TDRD10: variants seen among roughly 807,000 people sequenced by gnomAD.
The protein encoded by TDRD10 is tudor domain-containing protein 10.
A neutral mutation model predicts 48.0 loss-of-function variants in TDRD10; 40 were observed. The ratio of observed to expected loss-of-function variants is 0.83; its 90% CI spans 0.65 to 1.09. TDRD10 has a LOEUF of 1.09. Among genes scored for constraint, TDRD10 ranks in the 50% least tolerant of loss-of-function variants. The pLI is 0.00. For missense variants in TDRD10, 378 were observed against 434.7 expected, an observed-to-expected ratio of 0.87 and a Z score of 1.16; for synonymous variants, 162 against 170.4, an observed-to-expected ratio of 0.95 and a Z score of 0.38.
intron 6 of TDRD10, 136 bp downstream of exon 6, chr1:154,521,615 C>A: frequency 2.0e-6 from 2 of 1,006,546 alleles, no homozygotes; most frequent in Non-Finnish European, 2.9e-6. Context: ...CGGGTGAAGT[C>A]AGGGAACTTT....
intron 8 of TDRD10, 152 bp from the exon 9 acceptor site, chr1:154,543,811 C>T: frequency 5.0e-6 from 6 of 1,192,988 alleles, no homozygotes; most frequent in Non-Finnish European, 7.0e-6. Context: ...GGCTTTAGCT[C>T]CCACCCTAGA....
chr1:154,536,350 T>A (rs1347657938), intron 6 of TDRD10, among the ~76,000 whole-genome samples: 1 of 152,208 alleles, frequency 6.6e-6, no homozygotes, highest in Non-Finnish European at 1.5e-5. Context: ...CACTCCAGCC[T>A]GGACAACAAG....
chr1:154,541,513 G>A (rs572478207), intron 6 of TDRD10, among the ~76,000 whole-genome samples: 1 of 152,030 alleles, frequency 6.6e-6, no homozygotes, highest in Non-Finnish European at 1.5e-5. Flanking sequence ...AGATACTTGG[G>A]TTTCCCCAGG....
chr1:154,515,058 G>C (rs1322151428), intron 4 of TDRD10, among the ~76,000 whole-genome samples: 1 of 151,734 alleles, frequency 6.6e-6, no homozygotes, highest in Non-Finnish European at 1.5e-5. Context: ...AGTAGAGACG[G>C]GGCTTCACCA....
intron 4 of TDRD10, among the ~76,000 whole-genome samples, chr1:154,511,111 GT>G (rs1188346329): frequency 6.6e-6 from 1 of 150,384 alleles, no homozygotes; most frequent in Non-Finnish European, 1.5e-5. Context: ...TAACTTTTTT[GT>G]TTGTTTGTTT....
At chr1:154,505,415 T>C (rs956408136) in intron 1 of TDRD10, among the ~76,000 whole-genome samples, 1 of 152,204 alleles carries the variant, frequency 6.6e-6, no homozygotes, top group African/African-American at 2.4e-5. Context: ...ATCCTGTATC[T>C]CTGATTTTGC....
chr1:154,525,743 A>C (rs185855164), intron 6 of TDRD10, among the ~76,000 whole-genome samples: 10 of 152,186 alleles, frequency 6.6e-5, no homozygotes, highest in African/African-American at 2.4e-4. Context: ...AAAAATACAA[A>C]AATTAGCTGG....
At chr1:154,539,881 G>A (rs1039726939) in intron 6 of TDRD10, among the ~76,000 whole-genome samples, 1 of 152,120 alleles carries the variant, frequency 6.6e-6, no homozygotes, top group Non-Finnish European at 1.5e-5. Flanking sequence ...TCTTAGGGGG[G>A]CCCCCAATGC....
At chr1:154,504,078 C>T (rs1004601787) in intron 1 of TDRD10, among the ~76,000 whole-genome samples, 2 of 152,214 alleles carry the variant, frequency 1.3e-5, no homozygotes, top group African/African-American at 4.8e-5. Flanking sequence ...CACTAATCTA[C>T]TTTCTGTCTA....
intron 4 of TDRD10, among the ~76,000 whole-genome samples, chr1:154,514,454 G>C (rs1004616396): frequency 1.3e-5 from 2 of 152,138 alleles, no homozygotes; most frequent in Non-Finnish European, 2.9e-5. Flanking sequence ...GTGAACAAGG[G>C]GTGGAAAGAC....
intron 4 of TDRD10, among the ~76,000 whole-genome samples, chr1:154,513,679 C>T (rs1333023859): frequency 2.6e-5 from 4 of 152,216 alleles, no homozygotes; most frequent in Middle Eastern, 3.4e-3. Flanking sequence ...TAAAGTATTC[C>T]TATACTTTAA....
intron 9 of TDRD10, 98 bp downstream of exon 9, chr1:154,544,208 A>C: frequency 6.3e-7 from 1 of 1,582,374 alleles, no homozygotes; most frequent in Non-Finnish European, 8.6e-7. Flanking sequence ...GTGGAGATGC[A>C]GGGTAACTAC....
intron 6 of TDRD10, among the ~76,000 whole-genome samples, chr1:154,539,596 A>C (rs1283685032): frequency 6.6e-6 from 1 of 152,192 alleles, no homozygotes; most frequent in East Asian, 1.9e-4. Flanking sequence ...TACAGGCGTG[A>C]GCCGCAGTAC....
chr1:154,512,233 C>G (rs963519767), intron 4 of TDRD10, among the ~76,000 whole-genome samples: 2 of 152,172 alleles, frequency 1.3e-5, no homozygotes, highest in East Asian at 3.8e-4. Context: ...CATTTTATAT[C>G]AATAGAATCA....
rs1323456692 is a variant in TDRD10 at position 154,544,021 on chromosome 1, C to G, written c.562C>G (p.Leu188Val). Residue 188 changes from leucine (L) to valine (V), a missense_variant, in exon 9 of 13, where the codon CTC (leucine) becomes GTC (valine). This residue lies in a region of TDRD10 where 310 missense variants were observed against 323.6 expected (regional missense o/e 0.96). Transcript: ENST00000368482. ...ECFRDLSWLALIHSVRGEAGL... is the reference protein window; with the variant it reads ...ECFRDLSWLAVIHSVRGEAGL... ...CTTCCGAGACCTGAGCTGGCTGGCA[C>G]TCATCCATAGCGTCCGTGGGGAGGC... The G allele has an allele frequency of 6.2e-7, 1 of 1,614,100 alleles. No homozygotes were observed. The highest frequency in any genetic ancestry group is 2.2e-5 in the East Asian group (1 of 44,890).
At chr1:154,532,347 C>T (rs1694676445) in intron 6 of TDRD10, among the ~76,000 whole-genome samples, 1 of 152,230 alleles carries the variant, frequency 6.6e-6, no homozygotes, top group Non-Finnish European at 1.5e-5. Flanking sequence ...TGCTAAGCCC[C>T]TCACTGCCCG....
At chr1:154,510,863 G>A (rs188919386) in intron 4 of TDRD10, among the ~76,000 whole-genome samples, 20 of 151,522 alleles carry the variant, frequency 1.3e-4, no homozygotes, top group African/African-American at 4.4e-4. Context: ...TGGCTAACAC[G>A]GTGAAACCCT....
At chr1:154,542,970 A>G in intron 8 of TDRD10, 149 bp downstream of exon 8, 1 of 600,192 alleles carries the variant, frequency 1.7e-6, no homozygotes, top group Non-Finnish European at 2.9e-6. Flanking sequence ...TGTGACCCAC[A>G]CTGACTTATA....
chr1:154,532,386 C>T (rs1244217333), intron 6 of TDRD10, among the ~76,000 whole-genome samples: 1 of 152,220 alleles, frequency 6.6e-6, no homozygotes, highest in Admixed American at 6.5e-5. Context: ...CCCGCAAAGC[C>T]CACGCCCACC....
Sources: gnomAD v4.1 joint callset for allele counts (sites outside exome capture counted in the v4.1 genomes callset) on GRCh38, gnomAD v4.1.1 for gene constraint, gnomAD v4.1.1 regional missense constraint, MANE v1.5 for transcripts, NCBI Gene and HGNC (gene_info 2026-07-23, HGNC 2026-07-21) for gene names.